The following CPNE4 variants were observed in gnomAD, a reference collection of about 807,000 sequenced individuals.
CPNE4 encodes copine-4.
CPNE4 carries 25 observed loss-of-function variants against 67.9 expected under a neutral mutation model. That is an observed-to-expected ratio of 0.37 (90% CI 0.27 to 0.51). CPNE4 has a LOEUF of 0.51. Ranked by LOEUF, CPNE4 falls within the 20% of genes least tolerant of loss-of-function variation. The pLI is 0.93. For synonymous variants in CPNE4, 242 were observed against 244.9 expected (o/e 0.99, Z 0.11); for missense variants, 464 against 690.8 (o/e 0.67, Z 3.68).
intron 7 of CPNE4, among the ~76,000 whole-genome samples, chr3:131,623,696 G>A (rs1251398271): frequency 6.6e-6 from 1 of 152,230 alleles, no homozygotes; most frequent in Non-Finnish European, 1.5e-5. Context: ...TCACAACTGT[G>A]TTAAAATGCA....
chr3:131,625,738 A>G (rs1444050903), intron 7 of CPNE4, among the ~76,000 whole-genome samples: 1 of 152,206 alleles, frequency 6.6e-6, no homozygotes, highest in Non-Finnish European at 1.5e-5. Flanking sequence ...TAATTTATAA[A>G]TTAGGCACAG....
chr3:131,850,757 A>G (rs930096505), intron 2 of CPNE4, among the ~76,000 whole-genome samples: 2 of 152,122 alleles, frequency 1.3e-5, no homozygotes, highest in Non-Finnish European at 2.9e-5. Flanking sequence ...TGTTTTGCAC[A>G]TATCATTTCA....
chr3:131,738,174 T>C (rs1483529673), intron 2 of CPNE4, among the ~76,000 whole-genome samples: 2 of 152,234 alleles, frequency 1.3e-5, no homozygotes, highest in Non-Finnish European at 2.9e-5. Flanking sequence ...TGTGGTGCCT[T>C]GTGGTGGAGA....
Position 131,709,326 on chromosome 3 carries a change from C to T in CPNE4, c.361-9346G>A, listed in dbSNP as rs1012153330. The stretch of plus-strand genomic sequence containing the variant: ...CATGTGGGAGAATTTCTTGGGTGTC[C>T]GGAGGAAGAGCCTGGGATGCTGGTC... On this transcript the variant is annotated intron_variant, in intron 3 of 15. Transcript: ENST00000429747. Among the ~76,000 whole-genome samples the T allele has an allele frequency of 1.3e-4, 20 of 152,024 alleles. 1 individual carries two copies. Among genetic ancestry groups the T allele is most frequent in the Admixed American group, 7.2e-4 (11 of 15,268 alleles).
At position 131,736,968 on chromosome 3, in the gene CPNE4, T is replaced by C. The variant is rs183530269; in HGVS notation, c.181-13343A>G. 4.5e-4 allele frequency among the ~76,000 whole-genome samples: 68 copies of C among 152,256 alleles called. 1 individual carries two copies. The highest frequency in any genetic ancestry group is 1.6e-3 in the African/African-American group (67 of 41,552). Reference sequence around the variant, plus strand: ...ACCACTTGGGTTGAATGAATCATTATGGAAATTACCCTAAGACTGTCACAA... The same window carrying C: ...ACCACTTGGGTTGAATGAATCATTACGGAAATTACCCTAAGACTGTCACAA... On this transcript the variant is annotated intron_variant, in intron 2 of 15. Transcript: ENST00000429747.
chr3:131,944,918 G>T (rs2071505659), intron 1 of CPNE4, among the ~76,000 whole-genome samples: 1 of 152,144 alleles, frequency 6.6e-6, no homozygotes, highest in African/African-American at 2.4e-5. Context: ...CCCAGGGCTG[G>T]CAGATGTTTC....
At chr3:131,973,805 A>G (rs1369652544) in intron 1 of CPNE4, among the ~76,000 whole-genome samples, 1 of 152,230 alleles carries the variant, frequency 6.6e-6, no homozygotes, top group African/African-American at 2.4e-5. Flanking sequence ...TTATCTACTT[A>G]ACTATTACCC....
At chr3:132,005,262 C>G (rs568313795) in intron 1 of CPNE4, among the ~76,000 whole-genome samples, 59 of 146,636 alleles carry the variant, frequency 4.0e-4, no homozygotes, top group South Asian at 6.6e-4. Flanking sequence ...CATGACCTAT[C>G]CTATCCTAAT....
At chr3:131,762,270 T>C (rs1314981264) in intron 2 of CPNE4, among the ~76,000 whole-genome samples, 1 of 152,034 alleles carries the variant, frequency 6.6e-6, no homozygotes, top group African/African-American at 2.4e-5. Context: ...AAATCTATTA[T>C]ATGACATGTC....
intron 7 of CPNE4, among the ~76,000 whole-genome samples, chr3:131,656,393 T>G (rs777610952): frequency 6.6e-6 from 1 of 152,144 alleles, no homozygotes; most frequent in African/African-American, 2.4e-5. Flanking sequence ...ATCACTAGCA[T>G]CGATATATGT....
chr3:131,655,276 C>A (rs9822264), intron 7 of CPNE4, among the ~76,000 whole-genome samples: 2,235 of 152,246 alleles, frequency 0.015, 19 homozygotes, highest in South Asian at 0.059. Context: ...GGGGTTAGGA[C>A]CCAATGATGT....
intron 2 of CPNE4, among the ~76,000 whole-genome samples, chr3:131,836,654 C>T (rs2085568198): frequency 6.6e-6 from 1 of 152,106 alleles, no homozygotes; most frequent in South Asian, 2.1e-4. Context: ...CTCTGCATGA[C>T]CAAGGATTAG....
Position 131,732,993 on chromosome 3 carries a change from G to T in CPNE4, c.181-9368C>A, listed in dbSNP as rs560387423. The stretch of plus-strand genomic sequence containing the variant: ...ATAAGGAGCATTTACTGAGCAATGG[G>T]TATGCACCAAGAATTATTTAAACCA... On this transcript the variant is annotated intron_variant, in intron 2 of 15. Coordinates refer to ENST00000429747, the MANE Select transcript of CPNE4 (RefSeq NM_130808.3). Among the ~76,000 whole-genome samples the T allele has an allele frequency of 1.2e-4, 18 of 152,240 alleles. No homozygotes were observed. In the East Asian group the frequency reaches 3.5e-3, roughly 29 times the overall value.
At chr3:131,917,035 G>T (rs993809315) in intron 1 of CPNE4, among the ~76,000 whole-genome samples, 1 of 152,100 alleles carries the variant, frequency 6.6e-6, no homozygotes, top group African/African-American at 2.4e-5. Flanking sequence ...GTTGATTGGT[G>T]GTGACTGCCC....
In CPNE4 at chr3:131,617,410, C is replaced by A. The variant is rs111901165; in HGVS notation, c.682-29828G>T. On this transcript the variant is annotated intron_variant, in intron 7 of 15. Transcript: ENST00000429747. ...CACATCCCTTTCTTATTTGATCCCC[C>A]CAACAACCCAGGCAGATGGGTAGAG... Among the ~76,000 whole-genome samples, 595 of 152,272 alleles carry A rather than the reference C, an allele frequency of 3.9e-3. 6 individuals carry two copies. Among genetic ancestry groups the A allele is most frequent in the Middle Eastern group, 0.037 (11 of 294 alleles).
intron 7 of CPNE4, among the ~76,000 whole-genome samples, chr3:131,606,769 A>G (rs1192254723): frequency 1.3e-5 from 2 of 151,952 alleles, no homozygotes; most frequent in East Asian, 3.9e-4. Context: ...CTGGGACCTT[A>G]TGTAGACTTA....
At chr3:131,602,803 A>G (rs759285499) in intron 7 of CPNE4, among the ~76,000 whole-genome samples, 3 of 152,164 alleles carry the variant, frequency 2.0e-5, no homozygotes, top group Non-Finnish European at 2.9e-5. Flanking sequence ...CCAAATTTAC[A>G]GGTGTAATAT....
At chr3:131,983,926 T>C (rs2072973969) in intron 1 of CPNE4, among the ~76,000 whole-genome samples, 1 of 152,160 alleles carries the variant, frequency 6.6e-6, no homozygotes, top group Non-Finnish European at 1.5e-5. Flanking sequence ...ATTACTTCAG[T>C]GCTGTGGATA....
At chr3:131,742,978 C>G (rs1285646415) in intron 2 of CPNE4, among the ~76,000 whole-genome samples, 1 of 151,820 alleles carries the variant, frequency 6.6e-6, no homozygotes, top group African/African-American at 2.4e-5. Flanking sequence ...TCAGAATAAA[C>G]TAGAGGATGA....
Sources: gnomAD v4.1 joint callset for allele counts (sites outside exome capture counted in the v4.1 genomes callset) on GRCh38, gnomAD v4.1.1 for gene constraint, MANE v1.5 for transcripts, NCBI Gene and HGNC (gene_info 2026-07-23, HGNC 2026-07-21) for gene names.